Variants in ANKDD1B observed in about 807,000 individuals in gnomAD.
ANKDD1B encodes the protein ankyrin repeat and death domain-containing protein 1B.
A neutral mutation model predicts 59.7 loss-of-function variants in ANKDD1B; 57 were observed. That is an observed-to-expected ratio of 0.95 (90% CI 0.77 to 1.19). The LOEUF is 1.19. Among genes scored for constraint, ANKDD1B ranks in the 50% most tolerant of loss-of-function variants. The pLI is 0.00. For synonymous variants in ANKDD1B, 216 were observed against 239.5 expected, an observed-to-expected ratio of 0.90 and a Z score of 0.91; for missense variants, 602 against 641.9, an observed-to-expected ratio of 0.94 and a Z score of 0.67.
chr5:75,658,323 G>A (rs776053137), intron 9 of ANKDD1B, among the ~76,000 whole-genome samples: 8 of 152,198 alleles, frequency 5.3e-5, no homozygotes, highest in Non-Finnish European at 7.3e-5. Flanking sequence ...GTGAGTCTGG[G>A]GTAGTTGCTT....
intron 1 of ANKDD1B, among the ~76,000 whole-genome samples, chr5:75,614,711 A>G (rs1240818054): frequency 6.6e-6 from 1 of 152,208 alleles, no homozygotes; most frequent in African/African-American, 2.4e-5. Flanking sequence ...CACCTCAACT[A>G]TCCAGGCTGG....
In ANKDD1B at chr5:75,616,822, G is replaced by A. The variant is rs1773728351; in HGVS notation, c.212G>A (p.Ser71Asn). ...GHELLLPNER[S>N]FQNAAKSNNL... ...CTTTCAGTACTCCCAAATGAGAGAAGCTTTCAGAATGCTGCTAAAAGCAAT... is the reference window on the plus strand; with the variant it reads ...CTTTCAGTACTCCCAAATGAGAGAAACTTTCAGAATGCTGCTAAAAGCAAT... The change falls in exon 2 of 14, where the codon AGC becomes AAC. Residue 71 changes from serine to asparagine, a missense_variant. Physicochemically the swap from Ser to Asn is conservative, Grantham distance 46. Around this residue, in one of 3 missense-constraint regions of ANKDD1B, gnomAD observed 317 missense variants for 304.6 expected, o/e 1.04. Coordinates refer to ENST00000601380, the MANE Select transcript of ANKDD1B (RefSeq NM_001276713.2). 11 of 1,525,054 alleles carry A rather than the reference G, an allele frequency of 7.2e-6. No individual in the cohort carries two copies. Among genetic ancestry groups the A allele is most frequent in the Non-Finnish European group, 9.7e-6 (11 of 1,138,076 alleles). 94.5% of individuals were successfully genotyped at this position (1,525,054 alleles called of 1,614,324 possible).
intron 3 of ANKDD1B, 107 bp from the exon 4 acceptor site, chr5:75,625,540 T>G: frequency 3.8e-6 from 3 of 796,126 alleles, no homozygotes; most frequent in Non-Finnish European, 5.9e-6. Context: ...ATTCTCTATT[T>G]CTTAGTTTTC....
At chr5:75,657,102 T>C (rs1471870115) in intron 9 of ANKDD1B, among the ~76,000 whole-genome samples, 2 of 152,238 alleles carry the variant, frequency 1.3e-5, no homozygotes, top group Non-Finnish European at 2.9e-5. Flanking sequence ...AATATACTTA[T>C]GTATTCAACT....
chr5:75,661,077 TG>T (rs1775123327), intron 10 of ANKDD1B, among the ~76,000 whole-genome samples: 1 of 147,674 alleles, frequency 6.8e-6, no homozygotes, highest in African/African-American at 2.6e-5. Flanking sequence ...TAGGTTTTTT[TG>T]TTTTTTTTTT....
chr5:75,619,898 C>A (rs953719955), intron 2 of ANKDD1B, among the ~76,000 whole-genome samples: 2 of 152,090 alleles, frequency 1.3e-5, no homozygotes, highest in Non-Finnish European at 1.5e-5. Context: ...AGAACGAACA[C>A]GAGTGGATTG....
chr5:75,622,638 C>A (rs2112960680), intron 3 of ANKDD1B, among the ~76,000 whole-genome samples: 1 of 152,324 alleles, frequency 6.6e-6, no homozygotes, highest in South Asian at 2.1e-4. Context: ...AAGCTCCTAA[C>A]ATGGAAGTGT....
intron 10 of ANKDD1B, among the ~76,000 whole-genome samples, chr5:75,660,927 T>G (rs1775119970): frequency 6.6e-6 from 1 of 152,150 alleles, no homozygotes; most frequent in South Asian, 2.1e-4. Flanking sequence ...TACCCAACAG[T>G]TCAATAGCCA....
intron 5 of ANKDD1B, among the ~76,000 whole-genome samples, chr5:75,628,369 T>G (rs1039151458): frequency 1.3e-5 from 2 of 152,198 alleles, no homozygotes; most frequent in African/African-American, 2.4e-5. Context: ...GTTAAGATGA[T>G]AAATTTAGTT....
chr5:75,617,016 A>G (rs1773733989), intron 2 of ANKDD1B, 109 bp downstream of exon 2: 1 of 556,026 alleles, frequency 1.8e-6, no homozygotes, highest in Non-Finnish European at 3.1e-6. Context: ...TGGCTGAGAT[A>G]AGGGAGAGCT....
Position 75,641,216 on chromosome 5 carries a change from G to A in ANKDD1B, c.798+5334G>A, listed in dbSNP as rs1338391333. Among the ~76,000 whole-genome samples, 3 of 152,254 alleles carry A rather than the reference G, an allele frequency of 2.0e-5. No homozygotes were observed. The East Asian group carries it at 5.8e-4, about 29-fold the overall frequency. On this transcript the variant is annotated intron_variant, in intron 7 of 13. Coordinates refer to ENST00000601380, the MANE Select transcript of ANKDD1B (RefSeq NM_001276713.2). ...TTTTAGATCACAAAAATAGAATTTGGAAAAGTTAAGGAAATCATTCAGAAT... is the reference window on the plus strand; with the variant it reads ...TTTTAGATCACAAAAATAGAATTTGAAAAAGTTAAGGAAATCATTCAGAAT...
chr5:75,637,065 G>A (rs1207689708), intron 7 of ANKDD1B, among the ~76,000 whole-genome samples: 4 of 151,450 alleles, frequency 2.6e-5, no homozygotes, highest in Non-Finnish European at 4.4e-5. Context: ...TGGCCAACAT[G>A]TGAAACTCCG....
chr5:75,649,942 T>TATTTAGATAGTTTA (rs1774785012), intron 7 of ANKDD1B, among the ~76,000 whole-genome samples: 1 of 152,238 alleles, frequency 6.6e-6, no homozygotes, highest in Non-Finnish European at 1.5e-5. Flanking sequence ...AACATATCCC[T>TATTTAGATAGTTTA]CCACTATCTA....
At chr5:75,630,682 T>A (rs1185067939) in intron 5 of ANKDD1B, among the ~76,000 whole-genome samples, 1 of 152,256 alleles carries the variant, frequency 6.6e-6, no homozygotes, top group African/African-American at 2.4e-5. Flanking sequence ...TTCTTTCTGT[T>A]GTAAAGACAA....
chr5:75,640,314 G>T (rs558840544), intron 7 of ANKDD1B, among the ~76,000 whole-genome samples: 65 of 152,124 alleles, frequency 4.3e-4, no homozygotes, highest in Non-Finnish European at 7.6e-4. Context: ...CAAAGTGCTG[G>T]GATTACAGGC....
chr5:75,659,157 T>C, intron 9 of ANKDD1B, 126 bp from the exon 10 acceptor site: 2 of 645,590 alleles, frequency 3.1e-6, no homozygotes, highest in East Asian at 2.7e-5. Context: ...AATAATGCAA[T>C]GAATGCCCCA....
chr5:75,638,927 T>A (rs1774388014), intron 7 of ANKDD1B, among the ~76,000 whole-genome samples: 1 of 152,264 alleles, frequency 6.6e-6, no homozygotes, highest in African/African-American at 2.4e-5. Flanking sequence ...TTTCAATTTT[T>A]GTTTATTATA....
At chr5:75,636,878 T>C (rs1396998256) in intron 7 of ANKDD1B, among the ~76,000 whole-genome samples, 1 of 151,810 alleles carries the variant, frequency 6.6e-6, no homozygotes, top group East Asian at 1.9e-4. Context: ...GTGAGGTAGG[T>C]AATGAGGGCT....
In ANKDD1B at chr5:75,639,170, A is replaced by G. The variant is rs371056605; in HGVS notation, c.798+3288A>G. ...TCCTGGAAAAATGAGAAGAAAGATT[A>G]TGGGGAGAAATGCCTTTTCTGTTTG... On this transcript the variant is annotated intron_variant, in intron 7 of 13. Transcript: ENST00000601380. 3.3e-5 allele frequency among the ~76,000 whole-genome samples: 5 copies of G among 152,264 alleles called. No individual in the cohort carries two copies. The East Asian group carries it at 9.7e-4, about 29-fold the overall frequency.
Sources: gnomAD v4.1 joint callset for allele counts (sites outside exome capture counted in the v4.1 genomes callset) on GRCh38, gnomAD v4.1.1 for gene constraint, gnomAD v4.1.1 regional missense constraint, MANE v1.5 for transcripts, NCBI Gene and HGNC (gene_info 2026-07-23, HGNC 2026-07-21) for gene names.